The following ZC3H11A variants were observed in gnomAD, a reference collection of about 807,000 sequenced individuals.
The protein encoded by ZC3H11A is zinc finger CCCH domain-containing protein 11A.
Under a neutral mutation model 90.8 loss-of-function variants are expected in ZC3H11A, and 22 were observed. The ratio of observed to expected loss-of-function variants is 0.24; its 90% CI spans 0.17 to 0.35. The LOEUF is 0.35. Among genes scored for constraint, ZC3H11A ranks in the 10% least tolerant of loss-of-function variants. The pLI is 1.00. For synonymous variants in ZC3H11A, 294 were observed against 339.8 expected (o/e 0.87, Z 1.48); for missense variants, 701 against 964.9 (o/e 0.73, Z 3.62).
At position 203,829,530 on chromosome 1, in the gene ZC3H11A, T is replaced by C. The variant is rs558550778; in HGVS notation, c.378T>C (p.Ser126=). 6.9e-5 allele frequency: 111 copies of C among 1,613,918 alleles called. No homozygotes were observed. The highest frequency in any genetic ancestry group is 1.2e-4 in the African/African-American group (9 of 74,926). Residue 126 remains serine, a synonymous_variant, in exon 6 of 18, where the codon TCT becomes TCC. Coordinates refer to ENST00000367210, the MANE Select transcript of ZC3H11A (RefSeq NM_001376342.1). ...SQLSVQQNKL[S]VQSNPSPQLR... ...TTTCAGTTCAGCAGAACAAATTGTC[T>C]GTCCAGTCCAATCCTTCCCCTCAGC...
intron 1 of ZC3H11A, chr1:203,798,031 C>G: frequency 6.5e-7 from 1 of 1,534,248 alleles, no homozygotes; most frequent in Non-Finnish European, 8.7e-7. Context: ...CTTGGTACAT[C>G]TACTCTTCAA....
Position 203,802,730 on chromosome 1 carries a change from T to TTG in ZC3H11A, c.-431_-430insGT, listed in dbSNP as rs141861128. ...AAATGAACTCTTTTTTTTTGTTTTT[T>TTG]TTTTGTTTTGTTTTGTTTTGTTTTT... is the stretch of plus-strand genomic sequence containing the variant. On this transcript the variant is annotated 5_prime_UTR_variant, in exon 2 of 18. The change abolishes the stop of an existing upstream ORF in the 5' untranslated region. Transcript: ENST00000367210. 0.12 allele frequency: 18,256 copies of TTG among 146,136 alleles called. 1,518 individuals carry two copies. The highest frequency in any genetic ancestry group is 0.28 in the East Asian group (1,432 of 5,034). 9.1% of individuals were successfully genotyped at this position (146,136 alleles called of 1,614,324 possible).
At chr1:203,798,664 G>A (rs1479453760) in intron 1 of ZC3H11A, 1 of 1,536,036 alleles carries the variant, frequency 6.5e-7, no homozygotes, top group Non-Finnish European at 8.7e-7. Context: ...AGATCTGAAA[G>A]TCCTATTCCC....
chr1:203,848,609 C>T (rs1010190976), intron 14 of ZC3H11A, among the ~76,000 whole-genome samples: 3 of 152,050 alleles, frequency 2.0e-5, no homozygotes, highest in Non-Finnish European at 4.4e-5. Flanking sequence ...TTTTGTTTGC[C>T]GGGCGCGGTG....
chr1:203,831,602 A>T, intron 8 of ZC3H11A, 59 bp from the exon 9 acceptor site: 1 of 1,480,046 alleles, frequency 6.8e-7, no homozygotes. Flanking sequence ...AAATTTTTTG[A>T]CTTGGGATAG....
intron 2 of ZC3H11A, 79 bp from the exon 3 acceptor site, chr1:203,816,847 T>A: frequency 2.2e-6 from 1 of 457,250 alleles, no homozygotes. Context: ...ACTCTAGCAA[T>A]ACGATCTCAT....
intron 10 of ZC3H11A, 21 bp from the exon 11 acceptor site, chr1:203,837,945 C>A (rs780214362): frequency 1.3e-6 from 2 of 1,598,656 alleles, no homozygotes; most frequent in Non-Finnish European, 8.5e-7. Context: ...AAATCTTAAA[C>A]TAAGTTCTCC....
At chr1:203,829,999 G>C (rs1393430795) in intron 7 of ZC3H11A, 103 bp downstream of exon 7, 1 of 1,314,072 alleles carries the variant, frequency 7.6e-7, no homozygotes, top group African/African-American at 1.5e-5. Flanking sequence ...CATGCTACAC[G>C]CATACTTACC....
intron 1 of ZC3H11A, chr1:203,800,172 C>T (rs1282905922): frequency 6.5e-7 from 1 of 1,530,432 alleles, no homozygotes; most frequent in Non-Finnish European, 8.8e-7. Context: ...AGGTGATGAC[C>T]CTTTAATTTA....
Position 203,797,749 on chromosome 1 carries a change from G to A in ZC3H11A, c.-1588+1955G>A, listed in dbSNP as rs187086393. 4.0e-5 allele frequency: 61 copies of A among 1,535,458 alleles called. 1 individual carries two copies. The East Asian group carries it at 1.1e-3, about 26-fold the overall frequency. On this transcript the variant is annotated intron_variant, in intron 1 of 17. Transcript: ENST00000367210. Reference sequence around the variant, plus strand: ...TTGCGAATTAAGGGGAAAAGGCGTCGAAAAAAATTGATTCTTGCCAAAAAG... The same window carrying A: ...TTGCGAATTAAGGGGAAAAGGCGTCAAAAAAAATTGATTCTTGCCAAAAAG...
chr1:203,829,280 T>G, intron 5 of ZC3H11A, 171 bp from the exon 6 acceptor site: 1 of 650,870 alleles, frequency 1.5e-6, no homozygotes, highest in Non-Finnish European at 2.6e-6. Flanking sequence ...GAGAGTTAAT[T>G]AGGTAAAAGC....
At chr1:203,837,431 T>G (rs1337013953) in intron 10 of ZC3H11A, among the ~76,000 whole-genome samples, 2 of 152,026 alleles carry the variant, frequency 1.3e-5, no homozygotes, top group Non-Finnish European at 2.9e-5. Flanking sequence ...GTATTCTAAT[T>G]TTTTGTTCTT....
Position 203,808,671 on chromosome 1 carries a change from A to G in ZC3H11A, c.-146+5655A>G, listed in dbSNP as rs7546400. 1.1e-4 allele frequency among the ~76,000 whole-genome samples: 17 copies of G among 152,088 alleles called. 1 individual carries two copies. Among genetic ancestry groups the G allele is most frequent in the African/African-American group, 3.9e-4 (16 of 41,500 alleles). Reference sequence around the variant, plus strand: ...GATTCGTGGAGATGTCGTGTCAGTAATCTCTTGTAATTCAGTTATTATGTT... The same window carrying G: ...GATTCGTGGAGATGTCGTGTCAGTAGTCTCTTGTAATTCAGTTATTATGTT... On this transcript the variant is annotated intron_variant, in intron 2 of 17. Transcript: ENST00000367210.
At chr1:203,830,812 AAG>A (rs756519691) in intron 8 of ZC3H11A, among the ~76,000 whole-genome samples, 1 of 152,064 alleles carries the variant, frequency 6.6e-6, no homozygotes, top group Admixed American at 6.6e-5. Context: ...TGTCTCAAAA[AAG>A]AAAAAAAAGG....
rs538335348 is a variant in ZC3H11A, at chr1:203,853,229, A to G, written c.*830A>G. 6.6e-6 allele frequency: 1 copy of G among 152,600 alleles called. No individual in the cohort carries two copies. Among genetic ancestry groups the G allele is most frequent in the East Asian group, 1.9e-4 (1 of 5,172 alleles). The allele number at this position is 152,600 out of a possible 1,614,324, so 9.5% of individuals were successfully genotyped here. On this transcript the variant is annotated 3_prime_UTR_variant, in exon 18 of 18. Coordinates refer to ENST00000367210, the MANE Select transcript of ZC3H11A (RefSeq NM_001376342.1). ...CTGGCATTGAATTAACACAGGGACA[A>G]AATTTGGTTAATTTTTTATTTCTAA...
chr1:203,839,083 C>T (rs572437662), intron 11 of ZC3H11A, among the ~76,000 whole-genome samples: 1 of 152,034 alleles, frequency 6.6e-6, no homozygotes, highest in African/African-American at 2.4e-5. Context: ...AGCATGCTGG[C>T]GTGGAGATGA....
At chr1:203,821,781 G>A (rs1177812675) in intron 4 of ZC3H11A, among the ~76,000 whole-genome samples, 8 of 149,778 alleles carry the variant, frequency 5.3e-5, no homozygotes, top group African/African-American at 1.5e-4. Flanking sequence ...TTTTTGAGAC[G>A]GAGTCTTGCT....
chr1:203,816,646 ATAAAAT>A (rs1676478461), intron 2 of ZC3H11A, among the ~76,000 whole-genome samples: 1 of 152,158 alleles, frequency 6.6e-6, no homozygotes, highest in South Asian at 2.1e-4. Context: ...AGAGTTAAAA[ATAAAAT>A]GTAGATCTTT....
intron 4 of ZC3H11A, among the ~76,000 whole-genome samples, chr1:203,826,388 C>CT (rs1174902604): frequency 6.7e-6 from 1 of 150,210 alleles, no homozygotes; most frequent in Non-Finnish European, 1.5e-5. Context: ...ATAATTAATT[C>CT]TTTTTAAAAA....
Sources: gnomAD v4.1 joint callset for allele counts (sites outside exome capture counted in the v4.1 genomes callset) on GRCh38, gnomAD v4.1.1 for gene constraint, MANE v1.5 for transcripts, NCBI Gene and HGNC (gene_info 2026-07-23, HGNC 2026-07-21) for gene names.